Variants in EXOC4 observed in about 807,000 individuals in gnomAD.
The protein encoded by EXOC4 is exocyst complex component 4.
In EXOC4, 71 loss-of-function variants were observed where a neutral mutation model predicts 107.2. That is an observed-to-expected ratio of 0.66 (90% CI 0.55 to 0.81). EXOC4 has a LOEUF of 0.81. Among genes scored for constraint, EXOC4 ranks in the 30% least tolerant of loss-of-function variants. EXOC4 has a pLI of 0.00. For synonymous variants in EXOC4, 456 were observed against 441.2 expected, an observed-to-expected ratio of 1.03 and a Z score of -0.42; for missense variants, 1,108 against 1,189.6, an observed-to-expected ratio of 0.93 and a Z score of 1.01.
the EXOC4 span, among the ~76,000 whole-genome samples, chr7:134,083,368 C>A: frequency 1.3e-5 from 2 of 152,228 alleles, no homozygotes; most frequent in African/African-American, 4.8e-5. Context: ...GGGCAACTGG[C>A]TCCCTGTTCT....
In EXOC4 at chr7:133,274,429, C is replaced by T. The variant is rs116176549; in HGVS notation, c.87-553C>T. 1.6e-3 allele frequency among the ~76,000 whole-genome samples: 239 copies of T among 152,322 alleles called. 3 individuals are homozygous for T. Among genetic ancestry groups the T allele is most frequent in the African/African-American group, 5.4e-3 (226 of 41,576 alleles). On this transcript the variant is annotated intron_variant, in intron 1 of 17. Transcript: ENST00000253861. ...CCTAACAAGAAGTCCTGAAGTAAGGCAGCTGCAGGGCTGGCTGCTTTGGTG... is the reference window on the plus strand; with the variant it reads ...CCTAACAAGAAGTCCTGAAGTAAGGTAGCTGCAGGGCTGGCTGCTTTGGTG...
At chr7:133,840,979 G>A (rs889651900) in intron 11 of EXOC4, among the ~76,000 whole-genome samples, 7 of 152,122 alleles carry the variant, frequency 4.6e-5, no homozygotes, top group Non-Finnish European at 8.8e-5. Flanking sequence ...TAGGCCATTC[G>A]GGCTGCCGTA....
chr7:133,879,112 T>G (rs1294644640), intron 11 of EXOC4, among the ~76,000 whole-genome samples: 1 of 152,160 alleles, frequency 6.6e-6, no homozygotes, highest in African/African-American at 2.4e-5. Flanking sequence ...TATTTTTTAT[T>G]TATTTTTTTG....
intron 10 of EXOC4, among the ~76,000 whole-genome samples, chr7:133,748,963 G>A (rs1296582955): frequency 6.6e-6 from 1 of 152,162 alleles, no homozygotes; most frequent in Non-Finnish European, 1.5e-5. Context: ...TTGCAGACAG[G>A]CCCTTCTTAA....
At chr7:133,641,649 C>T (rs1270647100) in intron 10 of EXOC4, among the ~76,000 whole-genome samples, 1 of 152,190 alleles carries the variant, frequency 6.6e-6, no homozygotes, top group Non-Finnish European at 1.5e-5. Flanking sequence ...AGCTCTCTTA[C>T]TCTGTCCAGT....
chr7:133,597,392 T>C (rs959426293), intron 9 of EXOC4, among the ~76,000 whole-genome samples: 5 of 151,894 alleles, frequency 3.3e-5, no homozygotes, highest in Admixed American at 6.5e-5. Context: ...CCGTCTCTAC[T>C]AAAAATACAA....
At chr7:133,450,231 G>A (rs753327321) in intron 7 of EXOC4, among the ~76,000 whole-genome samples, 25 of 151,980 alleles carry the variant, frequency 1.6e-4, no homozygotes, top group Non-Finnish European at 2.9e-4. Flanking sequence ...GGAGCACAGT[G>A]CAGCTCACTG....
intron 2 of EXOC4, among the ~76,000 whole-genome samples, chr7:133,275,903 T>C (rs1322293338): frequency 2.0e-5 from 3 of 151,908 alleles, no homozygotes; most frequent in African/African-American, 7.3e-5. Context: ...ATTCCTGGGC[T>C]CAAGCAATCC....
chr7:133,669,800 C>T (rs772245656), intron 10 of EXOC4, among the ~76,000 whole-genome samples: 3 of 152,126 alleles, frequency 2.0e-5, no homozygotes, highest in Non-Finnish European at 4.4e-5. Flanking sequence ...CCTTGAAGGG[C>T]GTCAGGAGAC....
chr7:133,878,408 G>C lies in EXOC4; in HGVS notation c.1735-17191G>C, dbSNP rs138173089. Among the ~76,000 whole-genome samples the C allele has an allele frequency of 4.2e-3, 643 of 152,328 alleles. 2 individuals carry two copies. The highest frequency in any genetic ancestry group is 4.5e-3 in the Non-Finnish European group (305 of 68,022). On this transcript the variant is annotated intron_variant, in intron 11 of 17. Coordinates refer to ENST00000253861, the MANE Select transcript of EXOC4 (RefSeq NM_021807.4). ...CATGTTCCATCTTCTGTATTTGTCTGATTGCTTCCTCTATTTCCTGTTACT... is the reference window on the plus strand; with the variant it reads ...CATGTTCCATCTTCTGTATTTGTCTCATTGCTTCCTCTATTTCCTGTTACT...
chr7:133,298,810 T>C (rs1219039137), intron 3 of EXOC4, among the ~76,000 whole-genome samples: 1 of 152,146 alleles, frequency 6.6e-6, no homozygotes, highest in Non-Finnish European at 1.5e-5. Context: ...AAAGAAAGAA[T>C]TAAGAATTAT....
chr7:134,004,823 ATTAG>A, intron 15 of EXOC4, 85 bp from the exon 16 acceptor site: 1 of 1,042,134 alleles, frequency 9.6e-7, no homozygotes, highest in Non-Finnish European at 1.4e-6. Context: ...ATGATAATTT[ATTAG>A]TTATTTTGGT....
intron 9 of EXOC4, among the ~76,000 whole-genome samples, chr7:133,592,553 G>A (rs1225452591): frequency 6.6e-6 from 1 of 152,024 alleles, no homozygotes; most frequent in Non-Finnish European, 1.5e-5. Flanking sequence ...AGTGATTCAA[G>A]TGCCTCAGCC....
chr7:133,490,158 T>A (rs1176830531), intron 9 of EXOC4, among the ~76,000 whole-genome samples: 1 of 152,170 alleles, frequency 6.6e-6, no homozygotes, highest in Non-Finnish European at 1.5e-5. Context: ...GGGTTTCTGA[T>A]ACTGTGTAGT....
intron 11 of EXOC4, among the ~76,000 whole-genome samples, chr7:133,821,369 A>C (rs1797516786): frequency 6.6e-6 from 1 of 152,220 alleles, no homozygotes; most frequent in Non-Finnish European, 1.5e-5. Context: ...CCCTGGAGTC[A>C]GTGCTCCCAG....
intron 14 of EXOC4, among the ~76,000 whole-genome samples, chr7:133,966,786 G>T (rs1253542294): frequency 6.6e-6 from 1 of 151,950 alleles, no homozygotes; most frequent in Admixed American, 6.6e-5. Flanking sequence ...CTGAAATTTT[G>T]TTGTTGTTGT....
At chr7:133,517,536 G>A (rs1177922935) in intron 9 of EXOC4, among the ~76,000 whole-genome samples, 1 of 152,180 alleles carries the variant, frequency 6.6e-6, no homozygotes, top group African/African-American at 2.4e-5. Context: ...GGCTGGGGAG[G>A]CCTCACAATC....
intron 9 of EXOC4, among the ~76,000 whole-genome samples, chr7:133,519,078 A>C (rs1416360331): frequency 6.6e-6 from 1 of 152,188 alleles, no homozygotes; most frequent in African/African-American, 2.4e-5. Context: ...AAGAGAGAAA[A>C]GGTAGCTAAG....
intron 10 of EXOC4, among the ~76,000 whole-genome samples, chr7:133,778,780 A>C (rs1398361104): frequency 6.6e-6 from 1 of 152,242 alleles, no homozygotes; most frequent in African/African-American, 2.4e-5. Context: ...TTATTAGTCT[A>C]TAATGTGGTC....
Sources: allele counts gnomAD v4.1 joint callset (sites outside exome capture counted in the v4.1 genomes callset), GRCh38; gene constraint gnomAD v4.1.1; transcripts MANE v1.5; gene names NCBI Gene and HGNC (gene_info 2026-07-23, HGNC 2026-07-21).